MBNL1: variants seen among roughly 807,000 people sequenced by gnomAD.
MBNL1 encodes the protein muscleblind like splicing regulator 1.
MBNL1 carries 8 observed loss-of-function variants against 42.2 expected under a neutral mutation model. The observed-to-expected ratio is 0.19, with a 90% CI of 0.11 to 0.34. The LOEUF (loss-of-function observed/expected upper bound fraction) is 0.34. Ranked by LOEUF, MBNL1 falls within the 10% of genes least tolerant of loss-of-function variation. The pLI is 1.00. For synonymous variants in MBNL1, 169 were observed against 173.9 expected, an observed-to-expected ratio of 0.97 and a Z score of 0.22; for missense variants, 309 against 495.3, an observed-to-expected ratio of 0.62 and a Z score of 3.57.
At chr3:152,375,684 C>T (rs952427579) in intron 2 of MBNL1, among the ~76,000 whole-genome samples, 7 of 151,908 alleles carry the variant, frequency 4.6e-5, no homozygotes, top group African/African-American at 1.5e-4. Flanking sequence ...GCCAGGTCTT[C>T]GATGTGTGCC....
At chr3:152,294,844 A>G (rs140415193) in intron 1 of MBNL1, among the ~76,000 whole-genome samples, 1 of 152,352 alleles carries the variant, frequency 6.6e-6, no homozygotes, top group African/African-American at 2.4e-5. Flanking sequence ...TTGTGAATTC[A>G]GTATTGATCC....
At chr3:152,403,291 A>G (rs571337669) in intron 2 of MBNL1, among the ~76,000 whole-genome samples, 2 of 152,296 alleles carry the variant, frequency 1.3e-5, no homozygotes, top group South Asian at 4.1e-4. Flanking sequence ...ACTTAAGAAT[A>G]TGCACTACAG....
chr3:152,464,100 A>G lies in MBNL1; in HGVS notation c.*1734A>G, dbSNP rs867899957. On this transcript the variant is annotated 3_prime_UTR_variant, in exon 10 of 10. Transcript: ENST00000324210. ...ATTGTAGTTAGTTACATTATAGAATATTACTTATTTTTCTTGTTAAAATGT... is the reference window on the plus strand; with the variant it reads ...ATTGTAGTTAGTTACATTATAGAATGTTACTTATTTTTCTTGTTAAAATGT... 5 of 152,570 alleles carry G rather than the reference A, an allele frequency of 3.3e-5. No homozygotes were observed. The South Asian group carries it at 1.0e-3, about 32-fold the overall frequency. The allele number at this position is 152,570 out of a possible 1,614,324, so 9.5% of individuals were successfully genotyped here. A position where few individuals can be genotyped will look rare whatever the true frequency, so the allele number is the denominator to read the frequency against.
At chr3:152,275,155 G>GA (rs2044211392) in intron 1 of MBNL1, among the ~76,000 whole-genome samples, 1 of 152,136 alleles carries the variant, frequency 6.6e-6, no homozygotes, top group Non-Finnish European at 1.5e-5. Context: ...TTTGTGGACG[G>GA]ATAACTCTTC....
chr3:152,364,808 T>C (rs2096252456), intron 2 of MBNL1, among the ~76,000 whole-genome samples: 1 of 152,012 alleles, frequency 6.6e-6, no homozygotes, highest in South Asian at 2.1e-4. Flanking sequence ...AGGGAGTAAA[T>C]TTGTTATTAC....
At chr3:152,395,448 T>TC (rs759306505) in intron 2 of MBNL1, among the ~76,000 whole-genome samples, 53 of 152,348 alleles carry the variant, frequency 3.5e-4, no homozygotes, top group Non-Finnish European at 5.0e-4. Flanking sequence ...GTGCTATATT[T>TC]CACAGAAGAC....
chr3:152,359,303 T>C (rs1208880584), intron 2 of MBNL1, among the ~76,000 whole-genome samples: 1 of 152,204 alleles, frequency 6.6e-6, no homozygotes, highest in African/African-American at 2.4e-5. Context: ...AAATAGTATC[T>C]CCATTTCTCA....
rs920431858 is a variant in MBNL1, at chr3:152,464,305, G to A, written c.*1939G>A. The A allele has an allele frequency of 1.2e-4, 19 of 152,476 alleles. No homozygotes were observed. Among genetic ancestry groups the A allele is most frequent in the African/African-American group, 3.6e-4 (15 of 41,510 alleles). 9.4% of individuals were successfully genotyped at this position (152,476 alleles called of 1,614,324 possible). The stretch of plus-strand genomic sequence containing the variant: ...TACATGTAGTGTCACATGAATATTC[G>A]TATTGTTAACTAAATGATTTATATT... On this transcript the variant is annotated 3_prime_UTR_variant, in exon 10 of 10. Coordinates refer to ENST00000324210, the MANE Select transcript of MBNL1 (RefSeq NM_021038.5).
chr3:152,377,736 G>A (rs954889573), intron 2 of MBNL1, among the ~76,000 whole-genome samples: 3 of 152,100 alleles, frequency 2.0e-5, no homozygotes, highest in Non-Finnish European at 2.9e-5. Context: ...CTTCTACAGT[G>A]ACCTAAATTT....
chr3:152,450,301 C>T (rs1719941239), intron 6 of MBNL1, among the ~76,000 whole-genome samples: 1 of 152,068 alleles, frequency 6.6e-6, no homozygotes, highest in Non-Finnish European at 1.5e-5. Flanking sequence ...TAGGTAGTGA[C>T]TCCATGATTA....
intron 1 of MBNL1, among the ~76,000 whole-genome samples, chr3:152,273,152 GT>G (rs2042899923): frequency 6.6e-6 from 1 of 152,054 alleles, no homozygotes; most frequent in South Asian, 2.1e-4. Flanking sequence ...TTTGTATATT[GT>G]TTCTGATGAG....
chr3:152,342,245 G>A (rs1379821671), intron 2 of MBNL1, among the ~76,000 whole-genome samples: 1 of 152,046 alleles, frequency 6.6e-6, no homozygotes, highest in Non-Finnish European at 1.5e-5. Flanking sequence ...CCAGCAAGGG[G>A]ATTCTGTCTG....
intron 9 of MBNL1, among the ~76,000 whole-genome samples, chr3:152,459,760 C>T (rs1741438857): frequency 6.6e-6 from 1 of 151,924 alleles, no homozygotes; most frequent in Non-Finnish European, 1.5e-5. Context: ...CACATGTAAA[C>T]AAATGGGTGT....
intron 2 of MBNL1, among the ~76,000 whole-genome samples, chr3:152,354,873 C>G (rs973470479): frequency 6.6e-6 from 1 of 152,060 alleles, no homozygotes; most frequent in Non-Finnish European, 1.5e-5. Context: ...AAATTTTTAC[C>G]TGTTTTCACT....
chr3:152,290,336 A>G (rs991655705), intron 1 of MBNL1, among the ~76,000 whole-genome samples: 2 of 151,872 alleles, frequency 1.3e-5, no homozygotes, highest in Non-Finnish European at 2.9e-5. Context: ...TTTTTTTCAC[A>G]TGTTGATTTT....
intron 1 of MBNL1, chr3:152,269,901 G>A (rs1464202320): frequency 1.1e-5 from 1 of 94,296 alleles, no homozygotes; most frequent in Non-Finnish European, 2.1e-5. Context: ...GGACAAATAT[G>A]TAGCCACCCC....
intron 4 of MBNL1, among the ~76,000 whole-genome samples, chr3:152,440,762 A>G (rs1194403312): frequency 6.6e-6 from 1 of 152,246 alleles, no homozygotes; most frequent in African/African-American, 2.4e-5. Flanking sequence ...TTAAATGAAA[A>G]TAGAGATAAT....
At chr3:152,452,042 A>G (rs1724243284) in intron 6 of MBNL1, among the ~76,000 whole-genome samples, 1 of 152,234 alleles carries the variant, frequency 6.6e-6, no homozygotes, top group South Asian at 2.1e-4. Flanking sequence ...AGTAGCCCTT[A>G]CTGAACACCT....
chr3:152,297,258 T>G (rs1423803114), intron 1 of MBNL1, among the ~76,000 whole-genome samples: 7 of 151,174 alleles, frequency 4.6e-5, no homozygotes, highest in African/African-American at 7.3e-5. Flanking sequence ...ACCTTTGTTT[T>G]TTTTTTTTTT....
Sources: gnomAD v4.1 joint callset for allele counts (sites outside exome capture counted in the v4.1 genomes callset) on GRCh38, gnomAD v4.1.1 for gene constraint, MANE v1.5 for transcripts, NCBI Gene and HGNC (gene_info 2026-07-23, HGNC 2026-07-21) for gene names.